PTPRT: variants seen among roughly 807,000 people sequenced by gnomAD.
The protein encoded by PTPRT is receptor-type tyrosine-protein phosphatase T.
Under a neutral mutation model 176.8 loss-of-function variants are expected in PTPRT, and 56 were observed. The ratio of observed to expected loss-of-function variants is 0.32; its 90% CI spans 0.26 to 0.40. PTPRT has a LOEUF of 0.40. PTPRT is among the 10% of genes least tolerant of loss of function. The probability of loss-of-function intolerance (pLI) is 1.00; values close to 1 mark genes in which losing one functional copy is unlikely to be tolerated. For synonymous variants in PTPRT, 783 were observed against 739.0 expected (o/e 1.06, Z -0.96); for missense variants, 1,540 against 1,908.2 (o/e 0.81, Z 3.60).
At chr20:42,191,883 T>C (rs765870923) in intron 16 of PTPRT, among the ~76,000 whole-genome samples, 2 of 152,112 alleles carry the variant, frequency 1.3e-5, no homozygotes, top group Non-Finnish European at 2.9e-5. Context: ...TCCAGCTCCA[T>C]CATTCATTCA....
intron 1 of PTPRT, among the ~76,000 whole-genome samples, chr20:42,964,904 A>T: frequency 6.6e-6 from 1 of 152,230 alleles, no homozygotes; most frequent in East Asian, 1.9e-4. Context: ...ATATATCAAT[A>T]GATGCCAAAC....
chr20:42,045,497 G>A, the PTPRT span, among the ~76,000 whole-genome samples: 9 of 151,230 alleles, frequency 6.0e-5, no homozygotes, highest in African/African-American at 2.2e-4. Flanking sequence ...ACATTAAAAT[G>A]TCTTTTTATA....
chr20:42,677,936 G>C lies in PTPRT; in HGVS notation c.1083C>G (p.Leu361=), dbSNP rs755991044. 1.2e-6 allele frequency: 2 copies of C among 1,614,166 alleles called. No homozygotes were observed. Among genetic ancestry groups the C allele is most frequent in the Non-Finnish European group, 1.7e-6 (2 of 1,180,034 alleles). The change falls in exon 7 of 31, where the codon CTC becomes CTG. Residue 361 remains leucine (L), a synonymous_variant. Coordinates refer to ENST00000373187, the MANE Select transcript of PTPRT (RefSeq NM_007050.6). ...DPDVEYEIRV[L]LTRPGEGGTG... is the part of the protein sequence containing the mutation. ...TACCCCCCTCACCTGGTCGTGTGAG[G>C]AGCACTCGGATCTCATACTCAACAT...
the PTPRT span, among the ~76,000 whole-genome samples, chr20:42,032,518 T>G: frequency 6.6e-6 from 1 of 152,204 alleles, no homozygotes; most frequent in Non-Finnish European, 1.5e-5. Context: ...TCATTTCTTA[T>G]TAATCATGAG....
chr20:42,213,328 C>T (rs896489549), intron 15 of PTPRT, among the ~76,000 whole-genome samples: 3 of 83,584 alleles, frequency 3.6e-5, no homozygotes, highest in East Asian at 4.2e-4. Context: ...ACCCGGGTGC[C>T]GGGTCCAGAT....
At chr20:42,852,705 G>A (rs2078496843) in intron 2 of PTPRT, among the ~76,000 whole-genome samples, 1 of 152,136 alleles carries the variant, frequency 6.6e-6, no homozygotes, top group Non-Finnish European at 1.5e-5. Flanking sequence ...GCCCAGCCTA[G>A]ATACCTCCTC....
chr20:43,004,818 T>G (rs1984769429), intron 1 of PTPRT, among the ~76,000 whole-genome samples: 1 of 152,240 alleles, frequency 6.6e-6, no homozygotes, highest in African/African-American at 2.4e-5. Context: ...AAAATACTCT[T>G]GAAATATTTA....
At chr20:42,926,925 T>C (rs890282014) in intron 1 of PTPRT, among the ~76,000 whole-genome samples, 4 of 152,178 alleles carry the variant, frequency 2.6e-5, no homozygotes, top group African/African-American at 9.6e-5. Flanking sequence ...CTTCAACTCC[T>C]GCTCCAGGCC....
chr20:42,285,503 C>T (rs975167556), intron 12 of PTPRT, among the ~76,000 whole-genome samples: 3 of 151,996 alleles, frequency 2.0e-5, no homozygotes, highest in African/African-American at 4.8e-5. Context: ...TCTGTCCAGA[C>T]ATCTAAGAAT....
At chr20:42,071,960 C>G (rs1023186750), downstream of PTPRT, among the ~76,000 whole-genome samples, 1 of 152,188 alleles carries the variant, frequency 6.6e-6, no homozygotes, top group Non-Finnish European at 1.5e-5. Context: ...GCCTGGCCAA[C>G]TTCAGCATTT....
chr20:42,847,906 G>A (rs208261), intron 2 of PTPRT, among the ~76,000 whole-genome samples: 6,351 of 152,220 alleles, frequency 0.042, 446 homozygotes, highest in African/African-American at 0.15. Context: ...ATATAGTGGT[G>A]ATTTCTGAGA....
chr20:42,579,014 C>A (rs939664091), intron 7 of PTPRT, among the ~76,000 whole-genome samples: 1 of 151,184 alleles, frequency 6.6e-6, no homozygotes, highest in Non-Finnish European at 1.5e-5. Flanking sequence ...CCCATTAACT[C>A]GTCATTTAAC....
chr20:42,825,656 A>C (rs998694865), intron 2 of PTPRT, among the ~76,000 whole-genome samples: 1 of 152,188 alleles, frequency 6.6e-6, no homozygotes, highest in East Asian at 1.9e-4. Flanking sequence ...ATTAACCTCC[A>C]TTTTCTTCCA....
intron 6 of PTPRT, among the ~76,000 whole-genome samples, chr20:42,722,607 GT>G (rs1204245899): frequency 1.3e-5 from 2 of 152,142 alleles, no homozygotes; most frequent in African/African-American, 4.8e-5. Flanking sequence ...GGGTCACTCT[GT>G]CTGCTCTCTG....
intron 9 of PTPRT, among the ~76,000 whole-genome samples, chr20:42,387,567 A>T (rs987815371): frequency 6.6e-6 from 1 of 152,160 alleles, no homozygotes; most frequent in African/African-American, 2.4e-5. Flanking sequence ...TATCCACAAA[A>T]ATCTCACTAA....
At chr20:43,162,554 A>G (rs559412104) in intron 1 of PTPRT, among the ~76,000 whole-genome samples, 11 of 152,360 alleles carry the variant, frequency 7.2e-5, no homozygotes, top group African/African-American at 2.4e-4. Flanking sequence ...CTGGGCCACT[A>G]AAGCACACAA....
chr20:42,093,629 CT>C (rs1199906777), intron 27 of PTPRT, among the ~76,000 whole-genome samples: 1 of 152,238 alleles, frequency 6.6e-6, no homozygotes, highest in Non-Finnish European at 1.5e-5. Flanking sequence ...AACGTACGCT[CT>C]TATGGTTCCC....
At chr20:43,153,124 C>G (rs1349440979) in intron 1 of PTPRT, among the ~76,000 whole-genome samples, 1 of 152,190 alleles carries the variant, frequency 6.6e-6, no homozygotes, top group African/African-American at 2.4e-5. Flanking sequence ...TGGGCAAAGG[C>G]ATGTTGAAGG....
chr20:42,581,317 TTC>T (rs1166753615), intron 7 of PTPRT, among the ~76,000 whole-genome samples: 5 of 152,334 alleles, frequency 3.3e-5, no homozygotes, highest in Non-Finnish European at 7.4e-5. Flanking sequence ...CTGCTGCGTT[TTC>T]TCTTACTACC....
Sources: gnomAD v4.1 joint callset for allele counts (sites outside exome capture counted in the v4.1 genomes callset) on GRCh38, gnomAD v4.1.1 for gene constraint, MANE v1.5 for transcripts, NCBI Gene and HGNC (gene_info 2026-07-23, HGNC 2026-07-21) for gene names.